The following NUFIP2 variants were observed in gnomAD, a reference collection of about 807,000 sequenced individuals.
NUFIP2 encodes the protein nuclear FMR1 interacting protein 2.
In NUFIP2, 6 loss-of-function variants were observed where a neutral mutation model predicts 56.9. The observed-to-expected ratio is 0.11, with a 90% confidence interval of 0.06 to 0.21. NUFIP2 has a LOEUF of 0.21. Ranked by LOEUF, NUFIP2 falls within the 10% of genes least tolerant of loss-of-function variation. NUFIP2 has a pLI of 1.00. For synonymous variants in NUFIP2, 321 were observed against 298.2 expected, an observed-to-expected ratio of 1.08 and a Z score of -0.79; for missense variants, 828 against 826.8, an observed-to-expected ratio of 1.00 and a Z score of -0.02.
intron 2 of NUFIP2, among the ~76,000 whole-genome samples, chr17:29,274,394 G>T (rs2069094996): frequency 6.6e-6 from 1 of 152,144 alleles, no homozygotes; most frequent in African/African-American, 2.4e-5. Context: ...GATTGCTCGA[G>T]TCCAAGAATT....
Position 29,261,951 on chromosome 17 carries a change from C to T in NUFIP2, c.*2588G>A, listed in dbSNP as rs760564841. On this transcript the variant is annotated 3_prime_UTR_variant, in exon 4 of 4. Coordinates refer to ENST00000225388, the MANE Select transcript of NUFIP2 (RefSeq NM_020772.3). The stretch of plus-strand genomic sequence containing the variant: ...ATTTAGAAGTGAGACTCTCAAAAAC[C>T]TTTGGACAGACAGAGAAGTGATACA... 1 of 146,586 alleles carries T rather than the reference C, an allele frequency of 6.8e-6. No individual in the cohort carries two copies. The highest frequency in any genetic ancestry group is 2.4e-5 in the African/African-American group (1 of 41,190). The allele number at this position is 146,586 out of a possible 1,614,324, so 9.1% of individuals were successfully genotyped here. A position where few individuals can be genotyped will look rare whatever the true frequency, so the allele number is the denominator to read the frequency against.
chr17:29,270,324 GAAAAAAAA>G (rs386385865), intron 2 of NUFIP2, among the ~76,000 whole-genome samples: 5 of 81,380 alleles, frequency 6.1e-5, no homozygotes, highest in Non-Finnish European at 1.4e-4. Context: ...CTAACCTGGA[GAAAAAAAA>G]AAAAAAAAAG....
rs1435452172 is a variant in NUFIP2 at position 29,286,808 on chromosome 17, TTGA to T, written c.1183_1185del (p.Ser396del). 1.2e-6 allele frequency: 2 copies of T among 1,614,066 alleles called. No individual in the cohort carries two copies. Among genetic ancestry groups the T allele is most frequent in the Non-Finnish European group, 8.5e-7 (1 of 1,180,052 alleles). On this transcript the variant is annotated inframe_deletion, in exon 2 of 4. Coordinates refer to ENST00000225388, the MANE Select transcript of NUFIP2 (RefSeq NM_020772.3). ...GACATAGGGACCTGGGATAAGCGAC[TTGA>T]TGATTGGGTCTGAGTTTCCCCGGTA...
In NUFIP2 at chr17:29,259,984, AT is replaced by A. The variant is rs561831901; in HGVS notation, c.*4554del. ...AGGTGATGTATATTTTAAAAGAAAC[AT>A]TTTAAGATACCAAAACAGAAGCCCA... On this transcript the variant is annotated 3_prime_UTR_variant, in exon 4 of 4. Transcript: ENST00000225388. 4.0e-4 allele frequency: 61 copies of A among 152,326 alleles called. No individual in the cohort carries two copies. Among genetic ancestry groups the A allele is most frequent in the African/African-American group, 1.4e-3 (60 of 41,570 alleles). 9.4% of individuals were successfully genotyped at this position (152,326 alleles called of 1,614,324 possible).
rs370416455 is a variant in NUFIP2 at position 29,268,104 on chromosome 17, G to A, written c.2003-574C>T. ...AGTAGAGATGGGGTTTCACCATGTT[G>A]GCCAGGATGGTCTTGAACTCCTGAC... On this transcript the variant is annotated intron_variant, in intron 2 of 3. Coordinates refer to ENST00000225388, the MANE Select transcript of NUFIP2 (RefSeq NM_020772.3). 1.8e-3 allele frequency among the ~76,000 whole-genome samples: 272 copies of A among 152,170 alleles called. 9 individuals are homozygous for A. The South Asian group carries it at 0.053, about 29-fold the overall frequency.
Position 29,267,525 on chromosome 17 carries a change from C to T in NUFIP2, c.2008G>A (p.Glu670Lys). 6.5e-7 allele frequency: 1 copy of T among 1,536,456 alleles called. No individual in the cohort carries two copies. The highest frequency in any genetic ancestry group is 8.9e-7 in the Non-Finnish European group (1 of 1,121,886). The change falls in exon 3 of 4, where the codon GAA becomes AAA. Residue 670 changes from glutamate to lysine, a missense_variant. Coordinates refer to ENST00000225388, the MANE Select transcript of NUFIP2 (RefSeq NM_020772.3). ...AAIVYHTKEMESIWNLQKQDP... is the reference protein window; with the variant it reads ...AAIVYHTKEMKSIWNLQKQDP... ...TGCTTCTGCAAATTCCAAATAGATT[C>T]CATTTCTGCAAAGAAAAAAAGAGAA...
chr17:29,282,243 C>A (rs1463127741), intron 2 of NUFIP2, among the ~76,000 whole-genome samples: 1 of 151,982 alleles, frequency 6.6e-6, no homozygotes, highest in Non-Finnish European at 1.5e-5. Flanking sequence ...TTCCCAGCCG[C>A]CAAAACCTTG....
chr17:29,271,344 C>T (rs778224811), intron 2 of NUFIP2, among the ~76,000 whole-genome samples: 37 of 152,084 alleles, frequency 2.4e-4, no homozygotes, highest in Non-Finnish European at 4.9e-4. Context: ...CGATACCAGC[C>T]TGGCCAACAT....
Position 29,281,772 on chromosome 17 carries a change from C to CT in NUFIP2, c.2002+4219dup, listed in dbSNP as rs1389504842. On this transcript the variant is annotated intron_variant, in intron 2 of 3. Coordinates refer to ENST00000225388, the MANE Select transcript of NUFIP2 (RefSeq NM_020772.3). ...CACACAAATCCCGCCACCCCCCACC[C>CT]TTTTTTTTTTTAGAAGGAGCCTTGC... Among the ~76,000 whole-genome samples the CT allele has an allele frequency of 6.9e-3, 984 of 143,104 alleles. 11 individuals carry two copies. Among genetic ancestry groups the CT allele is most frequent in the African/African-American group, 0.02 (786 of 39,264 alleles). The allele number at this position is 143,104 out of a possible 152,430, so 93.9% of individuals were successfully genotyped here.
chr17:29,285,654 T>C (rs1026674776), intron 2 of NUFIP2, among the ~76,000 whole-genome samples: 11 of 152,004 alleles, frequency 7.2e-5, no homozygotes, highest in South Asian at 2.1e-4. Flanking sequence ...GGAGAACATA[T>C]GTTCAATAAA....
rs1250861336 is a variant in NUFIP2 at position 29,257,147 on chromosome 17, T to C, written c.*7392A>G. 1 of 152,208 alleles carries C rather than the reference T, an allele frequency of 6.6e-6. No individual in the cohort carries two copies. The highest frequency in any genetic ancestry group is 1.5e-5 in the Non-Finnish European group (1 of 68,016). The allele number at this position is 152,208 out of a possible 1,614,324, so 9.4% of individuals were successfully genotyped here. A position where few individuals can be genotyped will look rare whatever the true frequency, so the allele number is the denominator to read the frequency against. On this transcript the variant is annotated 3_prime_UTR_variant, in exon 4 of 4. Transcript: ENST00000225388. ...CCCTGTTTCAAGAAAAGCTCTTTAA[T>C]AGATACAAGTCAAGCTCTCGTTTAA...
At chr17:29,272,097 A>AGGGGAGGGGG (rs2069077465) in intron 2 of NUFIP2, among the ~76,000 whole-genome samples, 1 of 52,720 alleles carries the variant, frequency 1.9e-5, no homozygotes, top group African/African-American at 7.4e-5. Context: ...AGGGGAGGGG[A>AGGGGAGGGGG]GGGGAGGGGA....
chr17:29,291,266 G>C (rs952323781), intron 1 of NUFIP2, among the ~76,000 whole-genome samples: 11 of 152,084 alleles, frequency 7.2e-5, no homozygotes, highest in South Asian at 4.1e-4. Flanking sequence ...AGCAAAACTT[G>C]AGTCCTGATA....
intron 1 of NUFIP2, among the ~76,000 whole-genome samples, chr17:29,289,317 G>A (rs868095406): frequency 2.3e-4 from 35 of 152,164 alleles, no homozygotes; most frequent in African/African-American, 8.4e-4. Context: ...TACAGGCCGG[G>A]TGCAGTGGCT....
chr17:29,265,826 G>A (rs2069032948), intron 3 of NUFIP2, among the ~76,000 whole-genome samples: 1 of 150,866 alleles, frequency 6.6e-6, no homozygotes, highest in Admixed American at 6.6e-5. Context: ...AATCAATCTA[G>A]TTTAGTCCAG....
rs2069006613 is a variant in NUFIP2 at position 29,262,105 on chromosome 17, G to T, written c.*2434C>A. The stretch of plus-strand genomic sequence containing the variant: ...AAAAGCCCAATTCAGGTGGGGTCTG[G>T]GTTTGTTTTTTGTTTTTTCCTTTTC... On this transcript the variant is annotated 3_prime_UTR_variant, in exon 4 of 4. Transcript: ENST00000225388. The T allele has an allele frequency of 1.3e-5, 2 of 152,162 alleles. No individual in the cohort carries two copies. Among genetic ancestry groups the T allele is most frequent in the African/African-American group, 4.8e-5 (2 of 41,386 alleles). The allele number at this position is 152,162 out of a possible 1,614,324, so 9.4% of individuals were successfully genotyped here.
At chr17:29,275,714 C>T (rs1382524162) in intron 2 of NUFIP2, among the ~76,000 whole-genome samples, 1 of 152,088 alleles carries the variant, frequency 6.6e-6, no homozygotes, top group Non-Finnish European at 1.5e-5. Context: ...ACCTGGCTAA[C>T]CATTCTTTTC....
At chr17:29,267,023 C>G (rs751117434) in intron 3 of NUFIP2, among the ~76,000 whole-genome samples, 14 of 151,888 alleles carry the variant, frequency 9.2e-5, no homozygotes, top group Non-Finnish European at 8.8e-5. Flanking sequence ...CTTGCCTCAG[C>G]CTCCCAAGTA....
At chr17:29,279,547 T>C (rs116758813) in intron 2 of NUFIP2, among the ~76,000 whole-genome samples, 53 of 152,292 alleles carry the variant, frequency 3.5e-4, no homozygotes, top group African/African-American at 1.3e-3. Flanking sequence ...CTGTTGTATG[T>C]TTTTGAGACA....
Sources: gnomAD v4.1 joint callset for allele counts (sites outside exome capture counted in the v4.1 genomes callset) on GRCh38, gnomAD v4.1.1 for gene constraint, MANE v1.5 for transcripts, NCBI Gene and HGNC (gene_info 2026-07-23, HGNC 2026-07-21) for gene names.